Variants in PARVA observed in about 807,000 individuals in gnomAD.
The protein encoded by PARVA is parvin alpha, also known as alpha-parvin.
Under a neutral mutation model 52.6 loss-of-function variants are expected in PARVA, and 25 were observed. That is an observed-to-expected ratio of 0.48 (90% CI 0.35 to 0.66). PARVA has a LOEUF of 0.66. PARVA is among the 30% of genes least tolerant of loss of function. The pLI is 0.01. For missense variants in PARVA, 373 were observed against 450.9 expected, an observed-to-expected ratio of 0.83 and a Z score of 1.56; for synonymous variants, 185 against 179.1, an observed-to-expected ratio of 1.03 and a Z score of -0.26.
At chr11:12,497,840 A>G (rs1403315200) in intron 5 of PARVA, among the ~76,000 whole-genome samples, 1 of 152,176 alleles carries the variant, frequency 6.6e-6, no homozygotes, top group African/African-American at 2.4e-5. Context: ...CATTTTAAAA[A>G]TCCACAATAG....
intron 1 of PARVA, among the ~76,000 whole-genome samples, chr11:12,458,238 G>A (rs948272139): frequency 2.0e-5 from 3 of 152,224 alleles, no homozygotes; most frequent in Non-Finnish European, 2.9e-5. Context: ...GAGTCGTAAA[G>A]CATGAAATAA....
chr11:12,514,064 A>T lies in PARVA; in HGVS notation c.866A>T (p.Gln289Leu), dbSNP rs775654238. The change falls in exon 10 of 13, where the codon CAG becomes CTG. Residue 289 changes from glutamine (Q) to leucine (L), a missense_variant and splice_region_variant. Physicochemically the swap from Gln to Leu is moderately radical, Grantham distance 113. Transcript: ENST00000334956. ...CTGGAGGTCACAGAACTGGAAACCC[A>T]GGTGGGTGACAGACCCCAGCACAGG... ...LNLEVTELET[Q>L]FADGVYLVLL... is the part of the protein sequence containing the mutation. The T allele has an allele frequency of 6.2e-6, 10 of 1,612,916 alleles. No individual in the cohort carries two copies. The highest frequency in any genetic ancestry group is 8.5e-7 in the Non-Finnish European group (1 of 1,179,102).
rs11022391 is a variant in PARVA, at chr11:12,528,636, G to A, written c.*711G>A. 0.061 allele frequency: 9,303 copies of A among 152,668 alleles called. 593 individuals are homozygous for A. The highest frequency in any genetic ancestry group is 0.27 in the East Asian group (1,395 of 5,176). 9.5% of individuals were successfully genotyped at this position (152,668 alleles called of 1,614,324 possible). Reference sequence around the variant, plus strand: ...TGTGCACATCTGAGCACGTGCACATGTACACCTGAGCCAAAAACACGAGAA... The same window carrying A: ...TGTGCACATCTGAGCACGTGCACATATACACCTGAGCCAAAAACACGAGAA... On this transcript the variant is annotated 3_prime_UTR_variant, in exon 13 of 13. Coordinates refer to ENST00000334956, the MANE Select transcript of PARVA (RefSeq NM_018222.5).
chr11:12,477,092 T>C (rs1941024695), intron 3 of PARVA: 1 of 152,144 alleles, frequency 6.6e-6, no homozygotes, highest in African/African-American at 2.4e-5. Flanking sequence ...TATCACTGTA[T>C]ACTTAACTTT....
intron 1 of PARVA, among the ~76,000 whole-genome samples, chr11:12,472,312 T>C (rs145648678): frequency 3.3e-5 from 5 of 152,362 alleles, no homozygotes; most frequent in African/African-American, 1.2e-4. Flanking sequence ...TGGACCACAT[T>C]GCAGCCCGTG....
intron 1 of PARVA, among the ~76,000 whole-genome samples, chr11:12,427,075 A>T (rs998514550): frequency 6.6e-6 from 1 of 152,214 alleles, no homozygotes; most frequent in African/African-American, 2.4e-5. Flanking sequence ...GAAAGAAAAT[A>T]AAAATATGAA....
intron 5 of PARVA, among the ~76,000 whole-genome samples, chr11:12,504,074 G>A (rs752341493): frequency 2.6e-4 from 40 of 152,100 alleles, no homozygotes; most frequent in Non-Finnish European, 5.3e-4. Context: ...GTGAGAGCTC[G>A]AGTGTACTTA....
chr11:12,496,356 A>C lies in PARVA; in HGVS notation c.401-102A>C, dbSNP rs57120794. 5.5e-3 allele frequency: 6,806 copies of C among 1,228,376 alleles called. 269 individuals carry two copies. In the African/African-American group the frequency reaches 0.09, roughly 16 times the overall value. 76.1% of individuals were successfully genotyped at this position (1,228,376 alleles called of 1,614,324 possible). A position where few individuals can be genotyped will look rare whatever the true frequency, so the allele number is the denominator to read the frequency against. ...TATCTATTGTTGCAAGAGTGCATGCATGCATGAGTGCATGAGAGACCGAAT... is the reference window on the plus strand; with the variant it reads ...TATCTATTGTTGCAAGAGTGCATGCCTGCATGAGTGCATGAGAGACCGAAT... On this transcript the variant is annotated intron_variant, in intron 4 of 12. Transcript: ENST00000334956.
intron 1 of PARVA, among the ~76,000 whole-genome samples, chr11:12,397,316 G>C (rs1939762631): frequency 6.6e-6 from 1 of 152,168 alleles, no homozygotes; most frequent in Non-Finnish European, 1.5e-5. Context: ...CTCTGCCTCA[G>C]CCTCTCCAGT....
intron 1 of PARVA, among the ~76,000 whole-genome samples, chr11:12,460,541 C>G (rs1311531358): frequency 1.3e-5 from 2 of 152,162 alleles, no homozygotes; most frequent in Non-Finnish European, 2.9e-5. Context: ...CAGTGCTCTT[C>G]AGGGTAAACC....
At chr11:12,478,002 T>TCCAAC in intron 4 of PARVA, 53 bp downstream of exon 4, 5 of 952,470 alleles carry the variant, frequency 5.2e-6, no homozygotes, top group Non-Finnish European at 8.7e-6. Flanking sequence ...GGTGGTTGGA[T>TCCAAC]CACCTACTTG....
intron 3 of PARVA, among the ~76,000 whole-genome samples, chr11:12,474,951 C>CA (rs373253926): frequency 0.17 from 21,167 of 126,672 alleles, 1,619 homozygotes; most frequent in East Asian, 0.28. Context: ...GACCCTGTCT[C>CA]AAAAAAAAAA....
Position 12,517,668 on chromosome 11 carries a change from C to T in PARVA, c.926C>T (p.Pro309Leu). 6.2e-7 allele frequency: 1 copy of T among 1,605,598 alleles called. No individual in the cohort carries two copies. Among genetic ancestry groups the T allele is most frequent in the Non-Finnish European group, 8.5e-7 (1 of 1,175,948 alleles). The change falls in exon 11 of 13, where the codon CCC becomes CTC. Residue 309 changes from proline (P) to leucine (L), a missense_variant. Pro to Leu is a moderately conservative substitution (Grantham distance 98). Coordinates refer to ENST00000334956, the MANE Select transcript of PARVA (RefSeq NM_018222.5). ...LMGLLEGYFV[P>L]LHSFFLTPDS... ...GGGCTCCTGGAGGGCTACTTTGTGC[C>T]CCTGCACAGCTTCTTCCTGACCCCG...
chr11:12,512,331 C>T (rs1215729086), intron 8 of PARVA, among the ~76,000 whole-genome samples: 1 of 152,218 alleles, frequency 6.6e-6, no homozygotes, highest in African/African-American at 2.4e-5. Context: ...TTCCATTTAT[C>T]ACGACTGGGT....
At chr11:12,461,385 C>A (rs1940778010) in intron 1 of PARVA, among the ~76,000 whole-genome samples, 1 of 152,184 alleles carries the variant, frequency 6.6e-6, no homozygotes, top group Non-Finnish European at 1.5e-5. Flanking sequence ...CAGATGCACA[C>A]CCACGCACAA....
chr11:12,475,792 G>A (rs924566544), intron 3 of PARVA, among the ~76,000 whole-genome samples: 3 of 138,808 alleles, frequency 2.2e-5, no homozygotes, highest in South Asian at 2.6e-4. Flanking sequence ...GATCACAACC[G>A]GAGCCTCACA....
intron 1 of PARVA, among the ~76,000 whole-genome samples, chr11:12,470,121 T>C (rs1228380761): frequency 2.0e-5 from 3 of 152,236 alleles, no homozygotes; most frequent in African/African-American, 7.2e-5. Flanking sequence ...CAGGCTAAAA[T>C]GGAAATGTAT....
upstream of PARVA, chr11:12,377,514 G>GT: frequency 7.0e-7 from 1 of 1,421,582 alleles, no homozygotes; most frequent in Non-Finnish European, 9.4e-7. Flanking sequence ...AAAGGCGAGC[G>GT]TGAGCTGCCT....
rs370886582 is a variant in PARVA at position 12,513,329 on chromosome 11, A to G, written c.767A>G (p.His256Arg). ...GATGCCTTTGACACCTTGTTCGACC[A>G]TGCCCCAGACAAGCTGAATGTGGTG... The part of the protein sequence containing the change: ...ERDAFDTLFD[H>R]APDKLNVVKK... The change falls in exon 9 of 13, where the codon CAT becomes CGT. Residue 256 changes from histidine to arginine, a missense_variant. His to Arg is a conservative substitution (Grantham distance 29). Coordinates refer to ENST00000334956, the MANE Select transcript of PARVA (RefSeq NM_018222.5). 18 of 1,613,746 alleles carry G rather than the reference A, an allele frequency of 1.1e-5. No homozygotes were observed. Among genetic ancestry groups the G allele is most frequent in the Non-Finnish European group, 1.4e-5 (17 of 1,179,814 alleles).
Sources: allele counts gnomAD v4.1 joint callset (sites outside exome capture counted in the v4.1 genomes callset), GRCh38; gene constraint gnomAD v4.1.1; transcripts MANE v1.5; gene names NCBI Gene and HGNC (gene_info 2026-07-23, HGNC 2026-07-21).